Variants in SYNRG observed in about 807,000 individuals in gnomAD.
SYNRG encodes synergin gamma.
SYNRG carries 37 observed loss-of-function variants against 130.9 expected under a neutral mutation model. That is an observed-to-expected ratio of 0.28 (90% confidence interval 0.22 to 0.37). SYNRG has a LOEUF of 0.37. SYNRG is among the 10% of genes least tolerant of loss of function. SYNRG has a pLI of 1.00. For missense variants in SYNRG, 1,338 were observed against 1,588.9 expected (o/e 0.84, Z 2.68); for synonymous variants, 539 against 568.1 (o/e 0.95, Z 0.73).
chr17:37,570,676 C>T lies in SYNRG; in HGVS notation c.1308G>A (p.Gln436=). ...AGGTTGGTATGAAACCACTAGAAGC[C>T]TGGGCTGCAGCTCCACCCACTGGTC... ...LVGPVGGAAA[Q]ASSGFIPTYP... is the part of the protein sequence containing the mutation. Residue 436 remains glutamine, a synonymous_variant, in exon 10 of 22, where the codon CAG becomes CAA. Transcript: ENST00000612223. 1 of 1,614,114 alleles carries T rather than the reference C, an allele frequency of 6.2e-7. No homozygotes were observed. The highest frequency in any genetic ancestry group is 8.5e-7 in the Non-Finnish European group (1 of 1,180,014).
intron 13 of SYNRG, among the ~76,000 whole-genome samples, chr17:37,558,435 T>G (rs1445131836): frequency 6.6e-6 from 1 of 152,204 alleles, no homozygotes; most frequent in Non-Finnish European, 1.5e-5. Context: ...GCATGCATAG[T>G]TAAGCTTTGC....
intron 8 of SYNRG, among the ~76,000 whole-genome samples, chr17:37,575,115 G>A (rs1323936898): frequency 6.6e-6 from 1 of 152,022 alleles, no homozygotes; most frequent in Middle Eastern, 3.2e-3. Flanking sequence ...CTGAACTCAT[G>A]GAGACAGAGA....
At chr17:37,600,535 G>A in intron 1 of SYNRG, 132 bp from the exon 2 acceptor site, 2 of 863,340 alleles carry the variant, frequency 2.3e-6, no homozygotes, top group East Asian at 2.6e-5. Context: ...ATACTGAATT[G>A]CCCAACATCA....
intron 2 of SYNRG, 151 bp from the exon 3 acceptor site, chr17:37,596,495 C>G: frequency 1.4e-6 from 1 of 722,010 alleles, no homozygotes; most frequent in Non-Finnish European, 2.2e-6. Flanking sequence ...AATATGAATT[C>G]CAACTCCATC....
At chr17:37,561,366 G>A (rs760236887) in intron 12 of SYNRG, 105 bp downstream of exon 12, 56 of 1,414,708 alleles carry the variant, frequency 4.0e-5, no homozygotes, top group Non-Finnish European at 5.6e-5. Context: ...GTGGTATACA[G>A]GCATTTTACA....
chr17:37,579,089 AG>A (rs1257330660), intron 6 of SYNRG: 9 of 1,099,388 alleles, frequency 8.2e-6, no homozygotes, highest in Non-Finnish European at 1.0e-5. Context: ...AAGTTATCCC[AG>A]GATATCTTAA....
intron 11 of SYNRG, among the ~76,000 whole-genome samples, chr17:37,565,294 A>C (rs1293349118): frequency 6.6e-6 from 1 of 151,882 alleles, no homozygotes; most frequent in Admixed American, 6.6e-5. Context: ...ATTCAAGGAA[A>C]GTATGGAAGT....
intron 11 of SYNRG, among the ~76,000 whole-genome samples, chr17:37,565,315 G>A (rs368291727): frequency 2.2e-4 from 33 of 152,252 alleles, no homozygotes; most frequent in African/African-American, 7.7e-4. Flanking sequence ...AGTCAAGTCA[G>A]AGCTGTATGT....
chr17:37,584,406 G>T, intron 6 of SYNRG: 1 of 392,772 alleles, frequency 2.5e-6, no homozygotes. Context: ...AAAACTTACA[G>T]GTGAAATTGT....
chr17:37,519,167 C>T, intron 21 of SYNRG, 96 bp from the exon 22 acceptor site: 1 of 1,525,482 alleles, frequency 6.6e-7, no homozygotes. Context: ...CTCCAGGTCA[C>T]AGAGGCTGAG....
rs746555368 is a variant in SYNRG at position 37,553,730 on chromosome 17, TAGA to T, written c.1990_1992del (p.Ser665del). On this transcript the variant is annotated inframe_deletion, in exon 14 of 22. Transcript: ENST00000612223. ...AATTCTCCAAAATCATCAGCCAAAC[TAGA>T]AGTTTTTGTTGCTGCCAATGCTGTC... 2 of 1,613,318 alleles carry T rather than the reference TAGA, an allele frequency of 1.2e-6. No individual in the cohort carries two copies. Among genetic ancestry groups the T allele is most frequent in the Non-Finnish European group, 1.7e-6 (2 of 1,179,884 alleles).
At chr17:37,577,695 CTTTTTTTTT>C in intron 6 of SYNRG, 82 bp from the exon 7 acceptor site, 2 of 584,066 alleles carry the variant, frequency 3.4e-6, no homozygotes, top group South Asian at 4.5e-5. Context: ...CCCCCATATT[CTTTTTTTTT>C]TTTTTTTTTT....
At chr17:37,607,955 C>CAAAAAAAAAAAAAAAAAAAAAAAAAA (rs67822733) in intron 1 of SYNRG, among the ~76,000 whole-genome samples, 3 of 51,120 alleles carry the variant, frequency 5.9e-5, no homozygotes, top group Admixed American at 2.9e-4. Flanking sequence ...GACTTCCTCT[C>CAAAAAAAAAAAAAAAAAAAAAAAAAA]AAAAAAAAAA....
chr17:37,540,736 G>A (rs915321667), intron 15 of SYNRG, 193 bp from the exon 16 acceptor site: 2 of 741,492 alleles, frequency 2.7e-6, no homozygotes, highest in South Asian at 5.9e-5. Flanking sequence ...CTGGGTTCAA[G>A]CAATTCTCCT....
At chr17:37,593,117 C>A (rs753682275) in intron 3 of SYNRG, among the ~76,000 whole-genome samples, 2 of 151,808 alleles carry the variant, frequency 1.3e-5, no homozygotes, top group Non-Finnish European at 2.9e-5. Context: ...TAATAATAAT[C>A]AAGACTAAAT....
At chr17:37,590,337 A>G (rs141970304) in intron 3 of SYNRG, among the ~76,000 whole-genome samples, 106 of 152,332 alleles carry the variant, frequency 7.0e-4, no homozygotes, top group African/African-American at 2.5e-3. Flanking sequence ...AGATGCCAAC[A>G]ACTAGCAGAA....
Position 37,609,375 on chromosome 17 carries a change from TGCCTTCGCCGCC to T in SYNRG, c.-32_-21del, listed in dbSNP as rs2064198552. ...CGCCATCTTGCTCCCGACCTGCCGC[TGCCTTCGCCGCC>T]GCCACCTTATCAGCAGCTGTCAGCT... On this transcript the variant is annotated 5_prime_UTR_variant, in exon 1 of 22. Coordinates refer to ENST00000612223, the MANE Select transcript of SYNRG (RefSeq NM_007247.6). The T allele has an allele frequency of 1.4e-6, 2 of 1,411,266 alleles. No homozygotes were observed. The allele number at this position is 1,411,266 out of a possible 1,614,324, so 87.4% of individuals were successfully genotyped here.
intron 19 of SYNRG, among the ~76,000 whole-genome samples, chr17:37,529,097 T>G (rs931629663): frequency 2.0e-5 from 3 of 152,236 alleles, no homozygotes; most frequent in Non-Finnish European, 4.4e-5. Flanking sequence ...AACCACTCTT[T>G]AGCATCTAGA....
At position 37,523,683 on chromosome 17, in the gene SYNRG, G is replaced by C. The variant is rs187580266; in HGVS notation, c.3667-3035C>G. Reference sequence around the variant, plus strand: ...ATCAGCTGTGTCTGAAATAGCAGTAGCCTTGTGAGCTCCAAGCAGCAAACT... The same window carrying C: ...ATCAGCTGTGTCTGAAATAGCAGTACCCTTGTGAGCTCCAAGCAGCAAACT... On this transcript the variant is annotated intron_variant, in intron 19 of 21. Transcript: ENST00000612223. Among the ~76,000 whole-genome samples the C allele has an allele frequency of 1.0e-3, 155 of 152,288 alleles. 1 individual carries two copies. Among genetic ancestry groups the C allele is most frequent in the African/African-American group, 3.2e-3 (132 of 41,568 alleles).
Sources: allele counts gnomAD v4.1 joint callset (sites outside exome capture counted in the v4.1 genomes callset), GRCh38; gene constraint gnomAD v4.1.1; transcripts MANE v1.5; gene names NCBI Gene and HGNC (gene_info 2026-07-23, HGNC 2026-07-21).